The following ACTR3 variants were observed in gnomAD, a reference collection of about 807,000 sequenced individuals.
The protein encoded by ACTR3 is actin related protein 3, also known as actin-related protein 3.
ACTR3 carries 12 observed loss-of-function variants against 56.8 expected under a neutral mutation model. That is an observed-to-expected ratio of 0.21 (90% CI 0.14 to 0.34). The LOEUF is 0.34. Among genes scored for constraint, ACTR3 ranks in the 10% least tolerant of loss-of-function variants. The pLI is 1.00. For missense variants in ACTR3, 282 were observed against 512.5 expected, an observed-to-expected ratio of 0.55 and a Z score of 4.34; for synonymous variants, 162 against 167.4, an observed-to-expected ratio of 0.97 and a Z score of 0.25.
intron 1 of ACTR3, among the ~76,000 whole-genome samples, chr2:113,902,817 C>G (rs905036163): frequency 2.0e-5 from 3 of 152,158 alleles, no homozygotes; most frequent in Non-Finnish European, 2.9e-5. Flanking sequence ...CCAGGGTGGC[C>G]TCAAACTCCT....
At chr2:113,899,355 G>A (rs919502920) in intron 1 of ACTR3, among the ~76,000 whole-genome samples, 5 of 151,408 alleles carry the variant, frequency 3.3e-5, no homozygotes, top group African/African-American at 1.2e-4. Flanking sequence ...GCTCATTAAT[G>A]ACTGCACAAA....
intron 8 of ACTR3, among the ~76,000 whole-genome samples, chr2:113,942,702 A>G (rs1278641604): frequency 6.6e-6 from 1 of 152,018 alleles, no homozygotes; most frequent in African/African-American, 2.4e-5. Flanking sequence ...ATTTTGGGAA[A>G]GGTTCTAGAA....
chr2:113,942,333 G>A lies in ACTR3; in HGVS notation c.832G>A (p.Gly278Arg). 6.3e-7 allele frequency: 1 copy of A among 1,578,732 alleles called. No homozygotes were observed. The highest frequency in any genetic ancestry group is 8.6e-7 in the Non-Finnish European group (1 of 1,167,292). ...SIDVGYERFLGPEIFFHPEFA... is the reference protein window; with the variant it reads ...SIDVGYERFLRPEIFFHPEFA... ...CGATGTTGGTTATGAGAGATTTTTG[G>A]GACCTGAAATCTTTTTTCATCCAGA... The change falls in exon 8 of 12, where the codon GGA (glycine) becomes AGA (arginine). Residue 278 changes from glycine to arginine, a missense_variant. Physicochemically the swap from Gly to Arg is moderately radical, Grantham distance 125. Transcript: ENST00000263238.
rs552402029 is a variant in ACTR3 at position 113,890,368 on chromosome 2, A to G, written c.44+45A>G. On this transcript the variant is annotated intron_variant, in intron 1 of 11. Coordinates refer to ENST00000263238, the MANE Select transcript of ACTR3 (RefSeq NM_005721.5). The stretch of plus-strand genomic sequence containing the variant: ...GGGGTGGGGAAACTGAGGCGGAGGA[A>G]GGAAGATGGCGGGGGAGGGAGGAGG... 1.6e-4 allele frequency: 147 copies of G among 919,372 alleles called. No individual in the cohort carries two copies. The African/African-American group carries it at 2.7e-3, about 17-fold the overall frequency. 57.0% of individuals were successfully genotyped at this position (919,372 alleles called of 1,614,324 possible).
In ACTR3 at chr2:113,961,468, T is replaced by A. The variant is rs1680324123; in HGVS notation, c.*4013T>A. On this transcript the variant is annotated 3_prime_UTR_variant, in exon 12 of 12. Transcript: ENST00000263238. The stretch of plus-strand genomic sequence containing the variant: ...GATTAAAAGTATACGATATTCTATT[T>A]TGATTTAGCAATTACTTGTTTTCTA... 1 of 152,038 alleles carries A rather than the reference T, an allele frequency of 6.6e-6. No homozygotes were observed. The highest frequency in any genetic ancestry group is 2.1e-4 in the South Asian group (1 of 4,838). The allele number at this position is 152,038 out of a possible 1,614,324, so 9.4% of individuals were successfully genotyped here. A position where few individuals can be genotyped will look rare whatever the true frequency, so the allele number is the denominator to read the frequency against.
chr2:113,930,816 AGC>A (rs1440865286), intron 4 of ACTR3, among the ~76,000 whole-genome samples: 1 of 152,220 alleles, frequency 6.6e-6, no homozygotes, highest in Non-Finnish European at 1.5e-5. Flanking sequence ...TTTTTCAGAA[AGC>A]TGTACCATTA....
chr2:113,947,156 CTTGAAA>C (rs1485914387), intron 8 of ACTR3, among the ~76,000 whole-genome samples: 1 of 152,126 alleles, frequency 6.6e-6, no homozygotes, highest in African/African-American at 2.4e-5. Context: ...CATCAATTAA[CTTGAAA>C]TTGAAATCTT....
chr2:113,945,028 A>T (rs576635254), intron 8 of ACTR3, among the ~76,000 whole-genome samples: 4 of 152,304 alleles, frequency 2.6e-5, no homozygotes, highest in Admixed American at 2.6e-4. Flanking sequence ...AAGCTGAATT[A>T]CCTAGGGATA....
intron 1 of ACTR3, among the ~76,000 whole-genome samples, chr2:113,896,795 A>G (rs900878965): frequency 3.9e-5 from 6 of 152,226 alleles, no homozygotes; most frequent in South Asian, 4.1e-4. Flanking sequence ...ATTGATCGCT[A>G]TGCTGACAAT....
rs895926921 is a variant in ACTR3 at position 113,890,435 on chromosome 2, C to T, written c.44+112C>T. ...GCGGCGAGGTGCCGCCGCCGGCTGTCAGTCCTAGACCCGCCGGCCAGCGAG... is the reference window on the plus strand; with the variant it reads ...GCGGCGAGGTGCCGCCGCCGGCTGTTAGTCCTAGACCCGCCGGCCAGCGAG... On this transcript the variant is annotated intron_variant, in intron 1 of 11. Coordinates refer to ENST00000263238, the MANE Select transcript of ACTR3 (RefSeq NM_005721.5). 17 of 1,330,138 alleles carry T rather than the reference C, an allele frequency of 1.3e-5. No homozygotes were observed. The African/African-American group carries it at 1.3e-4, about 11-fold the overall frequency. The allele number at this position is 1,330,138 out of a possible 1,614,324, so 82.4% of individuals were successfully genotyped here.
At chr2:113,936,742 G>A (rs1314815382) in intron 6 of ACTR3, among the ~76,000 whole-genome samples, 1 of 152,162 alleles carries the variant, frequency 6.6e-6, no homozygotes, top group African/African-American at 2.4e-5. Flanking sequence ...CACAGGTCTG[G>A]AGGTTAGAAC....
At chr2:113,910,327 A>C (rs1238405904) in intron 1 of ACTR3, among the ~76,000 whole-genome samples, 4 of 152,150 alleles carry the variant, frequency 2.6e-5, no homozygotes, top group African/African-American at 9.7e-5. Context: ...GAGGGTGTGG[A>C]ACGTCTACGT....
intron 8 of ACTR3, among the ~76,000 whole-genome samples, chr2:113,944,741 G>A (rs1311253460): frequency 6.6e-6 from 1 of 151,968 alleles, no homozygotes; most frequent in Non-Finnish European, 1.5e-5. Context: ...CAGCCTGGGC[G>A]ACAGAGCGAG....
intron 1 of ACTR3, among the ~76,000 whole-genome samples, chr2:113,900,923 G>T (rs1023665353): frequency 1.3e-5 from 2 of 152,192 alleles, no homozygotes; most frequent in African/African-American, 4.8e-5. Context: ...ATGTTGGAGG[G>T]AATTGGAAAA....
At chr2:113,929,709 C>T (rs1213179668) in intron 4 of ACTR3, among the ~76,000 whole-genome samples, 1 of 151,992 alleles carries the variant, frequency 6.6e-6, no homozygotes, top group Admixed American at 6.6e-5. Context: ...GACAGTCTTG[C>T]TCTGTCACCC....
At chr2:113,897,403 A>G (rs927307784) in intron 1 of ACTR3, among the ~76,000 whole-genome samples, 3 of 152,082 alleles carry the variant, frequency 2.0e-5, no homozygotes, top group African/African-American at 2.4e-5. Flanking sequence ...TTTAATAATA[A>G]TTTTGTTTCA....
Position 113,890,331 on chromosome 2 carries a change from G to A in ACTR3, c.44+8G>A, listed in dbSNP as rs201766782. 4 of 1,526,742 alleles carry A rather than the reference G, an allele frequency of 2.6e-6. No individual in the cohort carries two copies. The Admixed American group carries it at 6.1e-5, about 23-fold the overall frequency. The allele number at this position is 1,526,742 out of a possible 1,614,324, so 94.6% of individuals were successfully genotyped here. A position where few individuals can be genotyped will look rare whatever the true frequency, so the allele number is the denominator to read the frequency against. On this transcript the variant is annotated splice_region_variant and intron_variant, in intron 1 of 11. Transcript: ENST00000263238. ...GGTGGACTGTGGCACGGGGTAAGGG[G>A]GCTTACGGGCGGGGGTGGGGAAACT...
chr2:113,927,760 A>G (rs1679647012), intron 4 of ACTR3, among the ~76,000 whole-genome samples: 1 of 152,198 alleles, frequency 6.6e-6, no homozygotes, highest in South Asian at 2.1e-4. Context: ...TGCTTAAAAA[A>G]CAATAGTCTG....
chr2:113,930,524 TATTTGAG>T (rs1679700337), intron 4 of ACTR3, among the ~76,000 whole-genome samples: 1 of 152,200 alleles, frequency 6.6e-6, no homozygotes, highest in Admixed American at 6.5e-5. Flanking sequence ...TACATTTAAG[TATTTGAG>T]ATACCTATTA....
Sources: allele counts gnomAD v4.1 joint callset (sites outside exome capture counted in the v4.1 genomes callset), GRCh38; gene constraint gnomAD v4.1.1; transcripts MANE v1.5; gene names NCBI Gene and HGNC (gene_info 2026-07-23, HGNC 2026-07-21).